FAM72B: variants seen among roughly 807,000 people sequenced by gnomAD.
FAM72B encodes the protein RUMY family member 2, also known as protein FAM72B.
A neutral mutation model predicts 12.6 loss-of-function variants in FAM72B; 4 were observed. The ratio of observed to expected loss-of-function variants is 0.32; its 90% CI spans 0.16 to 0.73. The LOEUF is 0.73. Among genes scored for constraint, FAM72B ranks in the 30% least tolerant of loss-of-function variants. The pLI, the probability that FAM72B is intolerant of heterozygous loss-of-function variation, is 0.67. For missense variants in FAM72B, 61 were observed against 158.4 expected (o/e 0.39, Z 3.30); for synonymous variants, 13 against 53.9 (o/e 0.24, Z 3.32).
chr1:121,174,682 T>C (rs1165545032), intron 3 of FAM72B, among the ~76,000 whole-genome samples: 1 of 150,900 alleles, frequency 6.6e-6, no homozygotes, highest in African/African-American at 2.4e-5. Context: ...TTCCTTTTTT[T>C]TTTTTCAGAT....
At chr1:121,174,607 T>C (rs1654171172) in intron 3 of FAM72B, among the ~76,000 whole-genome samples, 1 of 151,334 alleles carries the variant, frequency 6.6e-6, no homozygotes, top group Non-Finnish European at 1.5e-5. Flanking sequence ...CCTCAGGTGA[T>C]CTGCCCGCCT....
intron 1 of FAM72B, among the ~76,000 whole-genome samples, chr1:121,182,072 AT>A (rs1553317716): frequency 6.6e-6 from 1 of 152,200 alleles, no homozygotes; most frequent in African/African-American, 2.4e-5. Context: ...AATATTTTAG[AT>A]TTGTGTATGA....
intron 3 of FAM72B, among the ~76,000 whole-genome samples, chr1:121,176,812 C>T (rs1192158885): frequency 6.6e-6 from 1 of 152,234 alleles, no homozygotes; most frequent in Non-Finnish European, 1.5e-5. Flanking sequence ...TCCTCCTCCT[C>T]TCAACTCCCA....
intron 3 of FAM72B, among the ~76,000 whole-genome samples, chr1:121,174,711 C>T (rs1249055744): frequency 4.1e-5 from 6 of 146,142 alleles, no homozygotes; most frequent in African/African-American, 1.5e-4. Flanking sequence ...ACTCTTGGTG[C>T]AATGGTGCGA....
At chr1:121,169,542 T>C (rs1553315886) in intron 3 of FAM72B, among the ~76,000 whole-genome samples, 1 of 151,864 alleles carries the variant, frequency 6.6e-6, no homozygotes, top group Non-Finnish European at 1.5e-5. Flanking sequence ...TTAGATTAAA[T>C]GCCTCTTTGG....
chr1:121,171,943 G>A lies in FAM72B; in HGVS notation c.356-3108C>T, dbSNP rs1377860823. Among the ~76,000 whole-genome samples the A allele has an allele frequency of 4.7e-5, 6 of 127,070 alleles. No homozygotes were observed. The East Asian group carries it at 1.2e-3, about 25-fold the overall frequency. The allele number at this position is 127,070 out of a possible 152,430, so 83.4% of individuals were successfully genotyped here. A position where few individuals can be genotyped will look rare whatever the true frequency, so the allele number is the denominator to read the frequency against. On this transcript the variant is annotated intron_variant, in intron 3 of 3. Coordinates refer to ENST00000369390, the MANE Select transcript of FAM72B (RefSeq NM_001100910.2). ...ATTCGTGATCTTTTGGTCTGTGAAG[G>A]CAAATCATATATTTAAAAAATACAT...
chr1:121,169,971 C>CAT (rs1230532359), intron 3 of FAM72B, among the ~76,000 whole-genome samples: 4 of 147,354 alleles, frequency 2.7e-5, no homozygotes, highest in African/African-American at 9.9e-5. Flanking sequence ...AAAAGCAAAT[C>CAT]TTTTTTTTTT....
intron 2 of FAM72B, among the ~76,000 whole-genome samples, chr1:121,179,453 G>A (rs1654283700): frequency 6.7e-6 from 1 of 149,916 alleles, no homozygotes; most frequent in South Asian, 2.1e-4. Flanking sequence ...GGAGGCCGAG[G>A]CAGGTGGATC....
intron 3 of FAM72B, among the ~76,000 whole-genome samples, chr1:121,174,451 T>C (rs2101318824): frequency 7.0e-6 from 1 of 142,150 alleles, no homozygotes; most frequent in South Asian, 2.3e-4. Flanking sequence ...CACCGCAACC[T>C]CCGCCTCCCG....
chr1:121,183,478 G>C lies in FAM72B; in HGVS notation c.12C>G (p.Asn4Lys). The change falls in exon 1 of 4, where the codon AAC becomes AAG. Residue 4 changes from asparagine to lysine, a missense_variant. This residue lies in a region of FAM72B where 12 missense variants were observed against 78.0 expected (regional missense o/e 0.15). Transcript: ENST00000369390. MST[N>K]ICSFKDRCVS... ...CGCACCTGTCCTTGAAACTACAAATGTTGGTAGACATGGCGTCGCAGGAAG... is the reference window on the plus strand; with the variant it reads ...CGCACCTGTCCTTGAAACTACAAATCTTGGTAGACATGGCGTCGCAGGAAG... 1 of 1,558,638 alleles carries C rather than the reference G, an allele frequency of 6.4e-7. No homozygotes were observed. The highest frequency in any genetic ancestry group is 2.3e-5 in the East Asian group (1 of 44,298).
intron 2 of FAM72B, among the ~76,000 whole-genome samples, chr1:121,178,593 A>G (rs1384559477): frequency 8.2e-6 from 1 of 122,568 alleles, no homozygotes; most frequent in Non-Finnish European, 1.7e-5. Flanking sequence ...CATGACTTTA[A>G]TTACCGCCTA....
intron 2 of FAM72B, among the ~76,000 whole-genome samples, chr1:121,180,145 C>T (rs1324211398): frequency 1.2e-5 from 1 of 84,326 alleles, no homozygotes; most frequent in Non-Finnish European, 2.1e-5. Context: ...TAATAGCTCT[C>T]AGCTGTTGTA....
chr1:121,179,714 G>A (rs1439638067), intron 2 of FAM72B, among the ~76,000 whole-genome samples: 81 of 146,072 alleles, frequency 5.5e-4, no homozygotes, highest in African/African-American at 2.0e-3. Flanking sequence ...TGTAGTCTCA[G>A]CTACTCAGGA....
At chr1:121,169,675 C>T (rs1351296954) in intron 3 of FAM72B, among the ~76,000 whole-genome samples, 3 of 152,080 alleles carry the variant, frequency 2.0e-5, no homozygotes, top group Non-Finnish European at 4.4e-5. Context: ...ATATGAACTG[C>T]AATCCTTGGT....
rs1174216628 is a variant in FAM72B, at chr1:121,168,630, C to A, written c.*111G>T. ...GAAAATAAATAAATCAACAAATGCCCCATTTTTGTTTTCCAAAAAAGATCA... is the reference window on the plus strand; with the variant it reads ...GAAAATAAATAAATCAACAAATGCCACATTTTTGTTTTCCAAAAAAGATCA... On this transcript the variant is annotated 3_prime_UTR_variant, in exon 4 of 4. Transcript: ENST00000369390. 35 of 991,580 alleles carry A rather than the reference C, an allele frequency of 3.5e-5. No homozygotes were observed. Among genetic ancestry groups the A allele is most frequent in the Non-Finnish European group, 4.6e-5 (33 of 710,246 alleles). 61.4% of individuals were successfully genotyped at this position (991,580 alleles called of 1,614,324 possible). A position where few individuals can be genotyped will look rare whatever the true frequency, so the allele number is the denominator to read the frequency against.
Position 121,174,453 on chromosome 1 carries a change from C to T in FAM72B, c.355+2755G>A, listed in dbSNP as rs1286646058. On this transcript the variant is annotated intron_variant, in intron 3 of 3. Transcript: ENST00000369390. ...CGTGATCTTGGCTCACCGCAACCTCCGCCTCCCGGGTTCAAGCCATTCTCC... is the reference window on the plus strand; with the variant it reads ...CGTGATCTTGGCTCACCGCAACCTCTGCCTCCCGGGTTCAAGCCATTCTCC... 4.2e-5 allele frequency among the ~76,000 whole-genome samples: 6 copies of T among 144,422 alleles called. No individual in the cohort carries two copies. In the South Asian group the frequency reaches 6.5e-4, roughly 16 times the overall value. 94.7% of individuals were successfully genotyped at this position (144,422 alleles called of 152,430 possible). A position where few individuals can be genotyped will look rare whatever the true frequency, so the allele number is the denominator to read the frequency against.
intron 3 of FAM72B, among the ~76,000 whole-genome samples, chr1:121,174,836 C>T (rs1553316660): frequency 6.7e-6 from 1 of 149,784 alleles, no homozygotes; most frequent in East Asian, 2.0e-4. Flanking sequence ...TTAGTAGAGG[C>T]AGAGTTCTAC....
At chr1:121,174,853 G>T (rs1320075654) in intron 3 of FAM72B, among the ~76,000 whole-genome samples, 4 of 150,986 alleles carry the variant, frequency 2.6e-5, no homozygotes, top group Non-Finnish European at 5.9e-5. Flanking sequence ...CTACTATATT[G>T]GTCAGGCTGG....
chr1:121,169,326 C>CT (rs1175312788), intron 3 of FAM72B, among the ~76,000 whole-genome samples: 3 of 128,710 alleles, frequency 2.3e-5, no homozygotes, highest in African/African-American at 9.0e-5. Flanking sequence ...CTGGCAAACA[C>CT]TTTTTTTTAA....
Sources: allele counts gnomAD v4.1 joint callset (sites outside exome capture counted in the v4.1 genomes callset), GRCh38; gene constraint gnomAD v4.1.1; regional missense constraint gnomAD v4.1.1; transcripts MANE v1.5; gene names NCBI Gene and HGNC (gene_info 2026-07-23, HGNC 2026-07-21).